PPP2R2A: variants seen among roughly 807,000 people sequenced by gnomAD.
The protein encoded by PPP2R2A is protein phosphatase 2 regulatory subunit Balpha.
PPP2R2A carries 9 observed loss-of-function variants against 53.2 expected under a neutral mutation model. The observed-to-expected ratio is 0.17, with a 90% CI of 0.10 to 0.30. The LOEUF (loss-of-function observed/expected upper bound fraction) is 0.30, where lower values mean the gene tolerates loss of function less well. PPP2R2A is among the 10% of genes least tolerant of loss of function. The pLI is 1.00. For synonymous variants in PPP2R2A, 169 were observed against 174.2 expected (o/e 0.97, Z 0.23); for missense variants, 235 against 534.6 (o/e 0.44, Z 5.53).
chr8:26,326,575 C>G (rs1285323345), intron 2 of PPP2R2A, among the ~76,000 whole-genome samples: 1 of 152,034 alleles, frequency 6.6e-6, no homozygotes, highest in Non-Finnish European at 1.5e-5. Context: ...CATAGTAATC[C>G]TAATTTGTAA....
At chr8:26,297,115 G>GGT (rs370450342) in intron 2 of PPP2R2A, among the ~76,000 whole-genome samples, 1,908 of 151,340 alleles carry the variant, frequency 0.013, 21 homozygotes, top group Non-Finnish European at 0.019. Flanking sequence ...AAATTCTTTT[G>GGT]GTGTGTGTGT....
chr8:26,334,079 G>T (rs1171738079), intron 2 of PPP2R2A, among the ~76,000 whole-genome samples: 1 of 152,048 alleles, frequency 6.6e-6, no homozygotes, highest in Non-Finnish European at 1.5e-5. Flanking sequence ...GGAAGTCAAT[G>T]TGTATCTAAA....
chr8:26,327,454 T>C (rs1397218390), intron 2 of PPP2R2A, among the ~76,000 whole-genome samples: 2 of 152,204 alleles, frequency 1.3e-5, no homozygotes, highest in Non-Finnish European at 2.9e-5. Context: ...TTATTCACTT[T>C]TAAGGAGGAA....
At chr8:26,366,492 G>A (rs1439534510) in intron 9 of PPP2R2A, 86 bp downstream of exon 9, 2 of 991,976 alleles carry the variant, frequency 2.0e-6, no homozygotes, top group African/African-American at 1.7e-5. Flanking sequence ...CGTCTCTAGG[G>A]ATTCCTTGAA....
At chr8:26,337,452 C>T (rs1803722289) in intron 2 of PPP2R2A, among the ~76,000 whole-genome samples, 1 of 152,208 alleles carries the variant, frequency 6.6e-6, no homozygotes. Flanking sequence ...ACTCTTTGCT[C>T]CTACTTAACT....
At chr8:26,342,168 A>T (rs1442748903) in intron 3 of PPP2R2A, among the ~76,000 whole-genome samples, 1 of 152,186 alleles carries the variant, frequency 6.6e-6, no homozygotes, top group Non-Finnish European at 1.5e-5. Flanking sequence ...AGGGCACCTA[A>T]AGAAATTGAG....
intron 9 of PPP2R2A, among the ~76,000 whole-genome samples, chr8:26,369,262 T>A (rs1805542876): frequency 6.6e-6 from 1 of 152,106 alleles, no homozygotes; most frequent in Non-Finnish European, 1.5e-5. Flanking sequence ...AGTCTCACTC[T>A]GTCACCCAGG....
chr8:26,344,824 C>A (rs1804129014), intron 3 of PPP2R2A, among the ~76,000 whole-genome samples: 2 of 152,076 alleles, frequency 1.3e-5, no homozygotes, highest in Non-Finnish European at 2.9e-5. Flanking sequence ...AACCATATTT[C>A]TTATACAGGG....
chr8:26,311,802 G>T (rs1802303950), intron 2 of PPP2R2A, among the ~76,000 whole-genome samples: 1 of 151,766 alleles, frequency 6.6e-6, no homozygotes, highest in Non-Finnish European at 1.5e-5. Flanking sequence ...TATATATTCT[G>T]CATCTTCCCT....
At chr8:26,367,441 CGATT>C (rs1444515023) in intron 9 of PPP2R2A, among the ~76,000 whole-genome samples, 1 of 152,072 alleles carries the variant, frequency 6.6e-6, no homozygotes, top group Non-Finnish European at 1.5e-5. Flanking sequence ...CAGAAAAAAA[CGATT>C]TGTTTTCCTT....
At chr8:26,311,643 G>T (rs1443995310) in intron 2 of PPP2R2A, among the ~76,000 whole-genome samples, 5 of 152,150 alleles carry the variant, frequency 3.3e-5, no homozygotes, top group Non-Finnish European at 7.4e-5. Flanking sequence ...AACAACCACT[G>T]CACTCCAGTC....
intron 2 of PPP2R2A, among the ~76,000 whole-genome samples, chr8:26,300,648 G>A (rs758496438): frequency 6.6e-6 from 1 of 152,180 alleles, no homozygotes; most frequent in Non-Finnish European, 1.5e-5. Flanking sequence ...GAGGTCAGGA[G>A]TTTGAGACCA....
chr8:26,331,217 A>G (rs1404389866), intron 2 of PPP2R2A, among the ~76,000 whole-genome samples: 1 of 152,182 alleles, frequency 6.6e-6, no homozygotes, highest in African/African-American at 2.4e-5. Flanking sequence ...AGCAAGAGCT[A>G]CTACAGGAAT....
At chr8:26,358,128 G>A (rs1256883535) in intron 4 of PPP2R2A, among the ~76,000 whole-genome samples, 1 of 142,356 alleles carries the variant, frequency 7.0e-6, no homozygotes, top group Admixed American at 6.9e-5. Flanking sequence ...CTGTGTTTGT[G>A]TTAAGGAAAA....
chr8:26,358,551 G>T (rs1804911516), intron 4 of PPP2R2A, among the ~76,000 whole-genome samples: 1 of 152,186 alleles, frequency 6.6e-6, no homozygotes, highest in Non-Finnish European at 1.5e-5. Context: ...TCATTGGGAA[G>T]GGCATCCTTA....
intron 8 of PPP2R2A, among the ~76,000 whole-genome samples, chr8:26,364,868 A>G (rs1258836453): frequency 6.6e-6 from 1 of 152,206 alleles, no homozygotes; most frequent in African/African-American, 2.4e-5. Flanking sequence ...AAACCCCTCA[A>G]ATATATGGAG....
intron 2 of PPP2R2A, among the ~76,000 whole-genome samples, chr8:26,295,939 C>A (rs6996531): frequency 0.59 from 89,507 of 151,838 alleles, 26,649 homozygotes; most frequent in South Asian, 0.63. Context: ...CTGATCTCTT[C>A]AACAGGTTAC....
rs1378416518 is a variant in PPP2R2A, at chr8:26,372,071, C to T, written c.*1658C>T. On this transcript the variant is annotated 3_prime_UTR_variant, in exon 10 of 10. Coordinates refer to ENST00000380737, the MANE Select transcript of PPP2R2A (RefSeq NM_002717.4). ...AATGAAAAAGAATTCAACGAGCCGA[C>T]CGTGATTCCCTCTACTACAAATATT... is the stretch of plus-strand genomic sequence containing the variant. 6.6e-6 allele frequency: 1 copy of T among 152,144 alleles called. No individual in the cohort carries two copies. Among genetic ancestry groups the T allele is most frequent in the East Asian group, 1.9e-4 (1 of 5,204 alleles). The allele number at this position is 152,144 out of a possible 1,614,324, so 9.4% of individuals were successfully genotyped here.
Position 26,344,893 on chromosome 8 carries a change from C to T in PPP2R2A, c.180+5906C>T, listed in dbSNP as rs547001135. 1.2e-4 allele frequency among the ~76,000 whole-genome samples: 19 copies of T among 152,056 alleles called. 1 individual carries two copies. Among genetic ancestry groups the T allele is most frequent in the South Asian group, 8.3e-4 (4 of 4,822 alleles). On this transcript the variant is annotated intron_variant, in intron 3 of 9. Transcript: ENST00000380737. ...AAGTGTTTCAAATTTCAGATGTTTT[C>T]GGATTTTGGAATATGCGCATGTGTA...
Sources: allele counts gnomAD v4.1 joint callset (sites outside exome capture counted in the v4.1 genomes callset), GRCh38; gene constraint gnomAD v4.1.1; transcripts MANE v1.5; gene names NCBI Gene and HGNC (gene_info 2026-07-23, HGNC 2026-07-21).